Variants in COL22A1 observed in about 807,000 individuals in gnomAD.
COL22A1 encodes the protein collagen type XXII alpha 1 chain, also known as collagen alpha-1(XXII) chain.
In COL22A1, 221 loss-of-function variants were observed where a neutral mutation model predicts 248.9. That is an observed-to-expected ratio of 0.89 (90% confidence interval 0.80 to 0.99). The LOEUF (loss-of-function observed/expected upper bound fraction) is 0.99, where lower values mean the gene tolerates loss of function less well. Ranked by LOEUF, COL22A1 falls within the 50% of genes least tolerant of loss-of-function variation. The pLI, the probability that COL22A1 is intolerant of heterozygous loss-of-function variation, is 0.00. For synonymous variants in COL22A1, 891 were observed against 793.4 expected, an observed-to-expected ratio of 1.12 and a Z score of -2.07; for missense variants, 2,240 against 2,179.0, an observed-to-expected ratio of 1.03 and a Z score of -0.56.
intron 3 of COL22A1, among the ~76,000 whole-genome samples, chr8:138,877,289 G>A (rs891707466): frequency 6.6e-6 from 1 of 152,204 alleles, no homozygotes. Context: ...TGCTTCTTGC[G>A]TGATCCCTCA....
chr8:138,833,930 A>G (rs7821789), intron 4 of COL22A1, among the ~76,000 whole-genome samples: 150,049 of 152,270 alleles, frequency 0.99, 73,934 homozygotes, highest in East Asian at 1. Flanking sequence ...TACTGGGTAG[A>G]GCTCTGTGAT....
chr8:138,840,234 G>A (rs1002609732), intron 4 of COL22A1, among the ~76,000 whole-genome samples: 3 of 152,116 alleles, frequency 2.0e-5, no homozygotes, highest in South Asian at 2.1e-4. Flanking sequence ...TGGCTGGAGC[G>A]GTTTTTCGGG....
chr8:138,756,003 G>C (rs1832972178), intron 18 of COL22A1, among the ~76,000 whole-genome samples, 174 bp from the exon 19 acceptor site: 1 of 152,000 alleles, frequency 6.6e-6, no homozygotes, highest in Non-Finnish European at 1.5e-5. Context: ...TCAAAGTTCG[G>C]GTTCTGATCC....
chr8:138,803,310 G>GCTT (rs1282129708), intron 10 of COL22A1, among the ~76,000 whole-genome samples: 1 of 152,198 alleles, frequency 6.6e-6, no homozygotes, highest in Non-Finnish European at 1.5e-5. Flanking sequence ...TGGGCCTCAG[G>GCTT]CTTCTCTTCC....
chr8:138,713,538 G>GCCCGTGGACAAACAA (rs1829193785), intron 30 of COL22A1, among the ~76,000 whole-genome samples: 1 of 152,042 alleles, frequency 6.6e-6, no homozygotes, highest in African/African-American at 2.4e-5. Context: ...CAGACAAATA[G>GCCCGTGGACAAACAA]GCCCGTGGAC....
chr8:138,893,233 C>T (rs910231843), intron 1 of COL22A1, among the ~76,000 whole-genome samples: 1 of 152,226 alleles, frequency 6.6e-6, no homozygotes, highest in East Asian at 1.9e-4. Flanking sequence ...AGACCAGACA[C>T]TGTCACAGGT....
intron 22 of COL22A1, among the ~76,000 whole-genome samples, chr8:138,740,383 G>A (rs557002983): frequency 9.2e-5 from 14 of 152,308 alleles, no homozygotes; most frequent in East Asian, 3.9e-4. Flanking sequence ...TTAAGATGCC[G>A]TTGTGGTCGG....
Position 138,645,756 on chromosome 8 carries a change from T to C in COL22A1, c.3501+873A>G, listed in dbSNP as rs556674529. On this transcript the variant is annotated intron_variant, in intron 47 of 64. Transcript: ENST00000303045. ...ACTGACTTCTGAGCTTTCTCTCCTA[T>C]TGACAATTTTATGCCACCTCTTCTA... 2.0e-5 allele frequency among the ~76,000 whole-genome samples: 3 copies of C among 152,330 alleles called. No individual in the cohort carries two copies. In the South Asian group the frequency reaches 6.2e-4, roughly 32 times the overall value.
rs921172406 is a variant in COL22A1, at chr8:138,591,351, G to T, written c.4693+73C>A. ...TCTCCGCTCACTGCTGAGTCCTGTG[G>T]GGCCACGGGCAGGGGTGCTGGGTCT... On this transcript the variant is annotated intron_variant, in intron 64 of 64. Transcript: ENST00000303045. The T allele has an allele frequency of 2.7e-5, 31 of 1,145,818 alleles. No homozygotes were observed. In the Middle Eastern group the frequency reaches 6.0e-4, roughly 22 times the overall value. The allele number at this position is 1,145,818 out of a possible 1,614,324, so 71.0% of individuals were successfully genotyped here. A position where few individuals can be genotyped will look rare whatever the true frequency, so the allele number is the denominator to read the frequency against.
intron 3 of COL22A1, among the ~76,000 whole-genome samples, chr8:138,875,836 T>C (rs1239216601): frequency 4.6e-5 from 7 of 152,142 alleles, no homozygotes; most frequent in Non-Finnish European, 7.4e-5. Context: ...GTGATATGGG[T>C]CAGTGAAGTC....
intron 42 of COL22A1, among the ~76,000 whole-genome samples, chr8:138,662,939 C>G (rs1426455767): frequency 6.6e-6 from 1 of 151,052 alleles, no homozygotes; most frequent in Non-Finnish European, 1.5e-5. Flanking sequence ...TTGCTTGAAC[C>G]CAGGAGGCGG....
intron 40 of COL22A1, among the ~76,000 whole-genome samples, chr8:138,679,316 A>G (rs1252876517): frequency 2.0e-5 from 3 of 152,194 alleles, no homozygotes; most frequent in Admixed American, 2.0e-4. Flanking sequence ...TTTTAGTTTG[A>G]AACAGAAACT....
chr8:138,663,565 T>TTGG (rs1463655366), intron 42 of COL22A1, 140 bp downstream of exon 42: 2 of 695,932 alleles, frequency 2.9e-6, no homozygotes, highest in African/African-American at 3.5e-5. Flanking sequence ...AGTTCATAGG[T>TTGG]TGGACAGTCT....
intron 3 of COL22A1, among the ~76,000 whole-genome samples, chr8:138,862,621 C>T (rs1448000726): frequency 6.6e-6 from 1 of 152,126 alleles, no homozygotes; most frequent in African/African-American, 2.4e-5. Context: ...ATTTTAAGGG[C>T]TATCTTTCCT....
At chr8:138,645,546 G>T (rs1822128724) in intron 47 of COL22A1, among the ~76,000 whole-genome samples, 1 of 152,194 alleles carries the variant, frequency 6.6e-6, no homozygotes, top group South Asian at 2.1e-4. Context: ...GCCACACTTT[G>T]TCATTCTTCA....
intron 12 of COL22A1, among the ~76,000 whole-genome samples, chr8:138,784,877 C>T (rs1815375628): frequency 6.6e-6 from 1 of 152,166 alleles, no homozygotes; most frequent in African/African-American, 2.4e-5. Context: ...AGTTACAGTG[C>T]TTATAGAAGA....
At position 138,648,201 on chromosome 8, in the gene COL22A1, C is replaced by T. The variant is rs550878050; in HGVS notation, c.3447+1464G>A. Among the ~76,000 whole-genome samples the T allele has an allele frequency of 1.0e-3, 156 of 152,310 alleles. 1 individual carries two copies. Among genetic ancestry groups the T allele is most frequent in the African/African-American group, 3.6e-3 (150 of 41,574 alleles). On this transcript the variant is annotated intron_variant, in intron 46 of 64. Coordinates refer to ENST00000303045, the MANE Select transcript of COL22A1 (RefSeq NM_152888.3). Reference sequence around the variant, plus strand: ...CTTTAGCACTGGCCCCTGTTCCTTCCAGGGTTCCAGAGTGTATGGAGAAAT... The same window carrying T: ...CTTTAGCACTGGCCCCTGTTCCTTCTAGGGTTCCAGAGTGTATGGAGAAAT...
At chr8:138,609,196 C>A (rs1818664146) in intron 56 of COL22A1, among the ~76,000 whole-genome samples, 1 of 152,224 alleles carries the variant, frequency 6.6e-6, no homozygotes. Context: ...ACATCAGACA[C>A]AAACATCATC....
At position 138,780,934 on chromosome 8, in the gene COL22A1, C is replaced by A. The variant is rs376770088; in HGVS notation, c.1643G>T (p.Gly548Val). ...PGPPGRDGSKGMRGEPGELGE... is the reference protein window; with the variant it reads ...PGPPGRDGSKVMRGEPGELGE... The stretch of plus-strand genomic sequence containing the variant: ...AGACGGAACAGAACTTACTCTCATG[C>A]CTTTGCTGCCGTCTCTCCCAGGGGG... Residue 548 changes from glycine to valine, a missense_variant, in exon 13 of 65, where the codon GGC becomes GTC. Physicochemically the swap from Gly to Val is moderately radical, Grantham distance 109 (BLOSUM62 -3). Transcript: ENST00000303045. The A allele has an allele frequency of 5.6e-5, 91 of 1,613,546 alleles. No homozygotes were observed. The African/African-American group carries it at 7.5e-4, about 13-fold the overall frequency.
Sources: gnomAD v4.1 joint callset for allele counts (sites outside exome capture counted in the v4.1 genomes callset) on GRCh38, gnomAD v4.1.1 for gene constraint, MANE v1.5 for transcripts, NCBI Gene and HGNC (gene_info 2026-07-23, HGNC 2026-07-21) for gene names.